COG5: variants seen among roughly 807,000 people sequenced by gnomAD.
COG5 encodes conserved oligomeric Golgi complex subunit 5.
In COG5, 86 loss-of-function variants were observed where a neutral mutation model predicts 110.4. The observed-to-expected ratio is 0.78, with a 90% CI of 0.65 to 0.93. The LOEUF (loss-of-function observed/expected upper bound fraction) is 0.93. Among genes scored for constraint, COG5 ranks in the 40% least tolerant of loss-of-function variants. COG5 has a pLI of 0.00. For synonymous variants in COG5, 360 were observed against 334.6 expected (o/e 1.08, Z -0.83); for missense variants, 1,077 against 987.0 (o/e 1.09, Z -1.22).
intron 12 of COG5, among the ~76,000 whole-genome samples, chr7:107,295,099 A>ATTTT (rs1331030154): frequency 1.4e-4 from 9 of 63,850 alleles, no homozygotes; most frequent in Non-Finnish European, 2.5e-4. Context: ...ATATATATAT[A>ATTTT]TATTTTTTTT....
chr7:107,479,143 TTA>T (rs1797165558), intron 6 of COG5, among the ~76,000 whole-genome samples: 1 of 152,024 alleles, frequency 6.6e-6, no homozygotes, highest in Non-Finnish European at 1.5e-5. Flanking sequence ...AATAAAGTTC[TTA>T]ATAGACTTTA....
chr7:107,296,973 T>C (rs12532967), intron 12 of COG5, among the ~76,000 whole-genome samples: 23,785 of 152,198 alleles, frequency 0.16, 2,315 homozygotes, highest in Non-Finnish European at 0.22. Flanking sequence ...GATGCTCAAA[T>C]TGAAAGTTTA....
chr7:107,497,827 TAG>T (rs1160894711), intron 6 of COG5, among the ~76,000 whole-genome samples: 1 of 152,106 alleles, frequency 6.6e-6, no homozygotes, highest in East Asian at 1.9e-4. Flanking sequence ...AGACCCTGAA[TAG>T]TCAAAAGAAC....
chr7:107,222,492 C>T (rs1211335886), intron 19 of COG5, among the ~76,000 whole-genome samples: 1 of 152,176 alleles, frequency 6.6e-6, no homozygotes, highest in African/African-American at 2.4e-5. Flanking sequence ...GCGTGAGCCA[C>T]CACGCCCAGC....
At chr7:107,489,109 C>T (rs1465758585) in intron 6 of COG5, among the ~76,000 whole-genome samples, 2 of 152,072 alleles carry the variant, frequency 1.3e-5, no homozygotes, top group African/African-American at 2.4e-5. Context: ...TTAAGTTGTA[C>T]ATTTACAGTG....
chr7:107,219,174 T>C (rs1799724806), intron 19 of COG5, among the ~76,000 whole-genome samples: 2 of 152,112 alleles, frequency 1.3e-5, no homozygotes, highest in Admixed American at 1.3e-4. Flanking sequence ...ATGACTATTA[T>C]TTAAAAAAAT....
In COG5 at chr7:107,201,548, G is replaced by T. The variant is rs1798308457; in HGVS notation, c.*1968C>A. The T allele has an allele frequency of 5.2e-6, 3 of 576,616 alleles. No homozygotes were observed. The highest frequency in any genetic ancestry group is 9.6e-6 in the Non-Finnish European group (3 of 313,316). The allele number at this position is 576,616 out of a possible 1,614,324, so 35.7% of individuals were successfully genotyped here. On this transcript the variant is annotated 3_prime_UTR_variant, in exon 22 of 22. Transcript: ENST00000297135. ...TCAATTCGTGTGACCATAAGATACT[G>T]ATAGCATTGAGTCTTGAAATGATTT...
chr7:107,478,238 A>G (rs888392488), intron 6 of COG5, among the ~76,000 whole-genome samples: 1 of 152,032 alleles, frequency 6.6e-6, no homozygotes, highest in African/African-American at 2.4e-5. Context: ...CTGTTACTCT[A>G]CCAACTACTA....
intron 6 of COG5, among the ~76,000 whole-genome samples, chr7:107,466,683 A>T (rs1292170325): frequency 6.6e-6 from 1 of 152,228 alleles, no homozygotes; most frequent in African/African-American, 2.4e-5. Flanking sequence ...AGAAATGTAA[A>T]GTTGAGAAGC....
At chr7:107,454,799 C>A (rs893744694) in intron 6 of COG5, among the ~76,000 whole-genome samples, 1 of 151,850 alleles carries the variant, frequency 6.6e-6, no homozygotes, top group Non-Finnish European at 1.5e-5. Flanking sequence ...ATGCCTGCAA[C>A]ACAATGTGCC....
Position 107,295,064 on chromosome 7 carries a change from CACATATAT to C in COG5, c.1313+3070_1313+3077del, listed in dbSNP as rs1237470519. ...ACACACACACACACACACACACACA[CACATATAT>C]ATATATATATATATATATATATATA... On this transcript the variant is annotated intron_variant, in intron 12 of 21. Transcript: ENST00000297135. Among the ~76,000 whole-genome samples the C allele has an allele frequency of 4.4e-3, 241 of 54,294 alleles. 1 individual carries two copies. Among genetic ancestry groups the C allele is most frequent in the African/African-American group, 0.028 (214 of 7,600 alleles). 35.6% of individuals were successfully genotyped at this position (54,294 alleles called of 152,430 possible). A position where few individuals can be genotyped will look rare whatever the true frequency, so the allele number is the denominator to read the frequency against.
chr7:107,233,485 G>C (rs1357626183), intron 18 of COG5, among the ~76,000 whole-genome samples: 1 of 152,168 alleles, frequency 6.6e-6, no homozygotes, highest in African/African-American at 2.4e-5. Context: ...TTCCTGCACT[G>C]GTGCCAGTGA....
intron 6 of COG5, among the ~76,000 whole-genome samples, chr7:107,416,415 T>C (rs1792850060): frequency 1.3e-5 from 2 of 151,996 alleles, no homozygotes; most frequent in African/African-American, 4.8e-5. Context: ...CAGCAACAGG[T>C]AATTCATACT....
chr7:107,245,020 C>T (rs1289356295), intron 17 of COG5, among the ~76,000 whole-genome samples: 4 of 151,938 alleles, frequency 2.6e-5, no homozygotes, highest in Non-Finnish European at 5.9e-5. Flanking sequence ...TCAGGCCAAT[C>T]GAGTAGGCTT....
At chr7:107,549,493 GC>G (rs1477821840) in intron 3 of COG5, among the ~76,000 whole-genome samples, 2 of 151,698 alleles carry the variant, frequency 1.3e-5, no homozygotes, top group African/African-American at 4.8e-5. Flanking sequence ...CCGGGTTCAC[GC>G]CATTCTCCAG....
intron 18 of COG5, among the ~76,000 whole-genome samples, chr7:107,232,867 T>C (rs1800880278): frequency 6.6e-6 from 1 of 152,108 alleles, no homozygotes. Flanking sequence ...GAATGAGCGG[T>C]CAGCTGCAGG....
chr7:107,384,447 C>G (rs1158481407), intron 7 of COG5, among the ~76,000 whole-genome samples: 1 of 152,100 alleles, frequency 6.6e-6, no homozygotes, highest in African/African-American at 2.4e-5. Flanking sequence ...CTGTGTGGAA[C>G]CTGGGATTTG....
intron 12 of COG5, among the ~76,000 whole-genome samples, chr7:107,288,919 T>G (rs772283995): frequency 0.042 from 552 of 13,284 alleles, 6 homozygotes; most frequent in East Asian, 0.077. Flanking sequence ...TATATATATA[T>G]ATATATATAT....
chr7:107,465,146 A>G (rs759007495), intron 6 of COG5, among the ~76,000 whole-genome samples: 2 of 152,218 alleles, frequency 1.3e-5, no homozygotes, highest in Non-Finnish European at 2.9e-5. Flanking sequence ...AGGCAAGAAT[A>G]TAAGTAAGTC....
Sources: allele counts gnomAD v4.1 joint callset (sites outside exome capture counted in the v4.1 genomes callset), GRCh38; gene constraint gnomAD v4.1.1; transcripts MANE v1.5; gene names NCBI Gene and HGNC (gene_info 2026-07-23, HGNC 2026-07-21).